The following PHF24 variants were observed in gnomAD, a reference collection of about 807,000 sequenced individuals.
PHF24 encodes the protein Galpha inhibitory interacting protein.
In PHF24, 25 loss-of-function variants were observed where a neutral mutation model predicts 42.6. The ratio of observed to expected loss-of-function variants is 0.59; its 90% CI spans 0.43 to 0.82. The LOEUF (loss-of-function observed/expected upper bound fraction) is 0.82. PHF24 is among the 40% of genes least tolerant of loss of function. The probability of loss-of-function intolerance (pLI) is 0.00; values close to 1 mark genes in which losing one functional copy is unlikely to be tolerated. For missense variants in PHF24, 470 were observed against 538.1 expected (o/e 0.87, Z 1.25); for synonymous variants, 185 against 204.8 (o/e 0.90, Z 0.83).
At chr9:34,692,170 TAG>T in the PHF24 span, among the ~76,000 whole-genome samples, 5 of 152,240 alleles carry the variant, frequency 3.3e-5, 1 homozygote, top group South Asian at 1.0e-3. Flanking sequence ...ACCCAAACCC[TAG>T]ACCCTCTTTT....
the PHF24 span, among the ~76,000 whole-genome samples, chr9:34,818,824 T>C: frequency 3.3e-5 from 5 of 152,222 alleles, no homozygotes; most frequent in East Asian, 7.7e-4. Context: ...TCAGAATGAG[T>C]TGGCAAGTAC....
chr9:34,954,628 T>C (rs999456206), upstream of PHF24, among the ~76,000 whole-genome samples: 1 of 152,214 alleles, frequency 6.6e-6, no homozygotes, highest in African/African-American at 2.4e-5. Context: ...CAGGTTTTTG[T>C]CTAAGGCCTA....
chr9:34,728,398 A>G, the PHF24 span, among the ~76,000 whole-genome samples: 3 of 152,208 alleles, frequency 2.0e-5, no homozygotes, highest in Non-Finnish European at 4.4e-5. Flanking sequence ...CATCTGCTCT[A>G]CTTTCTTAAT....
At chr9:34,886,787 G>GTCTGTCTAC in the PHF24 span, among the ~76,000 whole-genome samples, 186 of 121,392 alleles carry the variant, frequency 1.5e-3, no homozygotes, top group African/African-American at 5.4e-3. Context: ...TGTCTACTCT[G>GTCTGTCTAC]TCTATCTACT....
the PHF24 span, among the ~76,000 whole-genome samples, chr9:34,895,324 T>G: frequency 6.6e-6 from 1 of 152,030 alleles, no homozygotes; most frequent in Admixed American, 6.6e-5. Context: ...ATAAGTTCGG[T>G]GGGGACTTTA....
the PHF24 span, chr9:34,690,080 T>C: frequency 6.3e-7 from 1 of 1,593,244 alleles, no homozygotes; most frequent in South Asian, 1.1e-5. Context: ...CTGGGGACCA[T>C]GTCTGGGAAC....
At chr9:34,955,827 G>A (rs1826359316), upstream of PHF24, among the ~76,000 whole-genome samples, 1 of 152,032 alleles carries the variant, frequency 6.6e-6, no homozygotes, top group Non-Finnish European at 1.5e-5. Context: ...ATAATTCTGT[G>A]TCCTCCACTT....
the PHF24 span, among the ~76,000 whole-genome samples, chr9:34,754,755 C>T: frequency 3.3e-5 from 5 of 152,180 alleles, no homozygotes; most frequent in African/African-American, 1.2e-4. Flanking sequence ...CCTGTACTCC[C>T]GTTTATTGCA....
the PHF24 span, chr9:34,680,977 G>T: frequency 1.7e-4 from 26 of 152,328 alleles, no homozygotes; most frequent in African/African-American, 6.3e-4. Flanking sequence ...TTACCATCAA[G>T]ACGTTAGGTA....
chr9:34,958,065 C>G (rs1313837579), upstream of PHF24, among the ~76,000 whole-genome samples: 2 of 149,944 alleles, frequency 1.3e-5, no homozygotes, highest in Non-Finnish European at 3.0e-5. This position sits in a 1 kb window ranked among gnomAD's most constrained non-coding sequence, Gnocchi z 4.5. Flanking sequence ...CGCCCGCGCG[C>G]CCGTCGCCGG....
chr9:34,736,441 G>A, the PHF24 span, among the ~76,000 whole-genome samples: 1 of 152,048 alleles, frequency 6.6e-6, no homozygotes, highest in Non-Finnish European at 1.5e-5. Context: ...TGAGTAGCTG[G>A]GACTATAGGC....
chr9:34,800,895 G>A, the PHF24 span, among the ~76,000 whole-genome samples: 1 of 152,124 alleles, frequency 6.6e-6, no homozygotes, highest in South Asian at 2.1e-4. Flanking sequence ...TACAGAATGG[G>A]AGAAAATGTT....
At chr9:34,972,610 A>G in intron 3 of PHF24, 79 bp downstream of exon 3, 2 of 1,383,688 alleles carry the variant, frequency 1.4e-6, no homozygotes, top group Middle Eastern at 2.6e-4. Context: ...GATTTTAGGC[A>G]GTGACCTAAA....
chr9:34,936,140 C>T, the PHF24 span, among the ~76,000 whole-genome samples: 4 of 151,970 alleles, frequency 2.6e-5, no homozygotes, highest in South Asian at 4.2e-4. Flanking sequence ...ACTGTACTGC[C>T]GCCATCTCGG....
At chr9:34,901,623 G>A in the PHF24 span, among the ~76,000 whole-genome samples, 1 of 152,078 alleles carries the variant, frequency 6.6e-6, no homozygotes, top group Non-Finnish European at 1.5e-5. Flanking sequence ...AGGGGGTCGG[G>A]CGTGGTGACT....
the PHF24 span, chr9:34,725,441 A>C: frequency 1.7e-6 from 2 of 1,150,032 alleles, no homozygotes; most frequent in Admixed American, 2.8e-5. Flanking sequence ...ATGGCGAATC[A>C]ACTGTTTCTG....
chr9:34,889,901 A>G, the PHF24 span, among the ~76,000 whole-genome samples: 2,833 of 152,282 alleles, frequency 0.019, 104 homozygotes, highest in African/African-American at 0.065. Context: ...ATTCTCAGAA[A>G]TCCTTGTTTG....
the PHF24 span, among the ~76,000 whole-genome samples, chr9:34,925,592 C>T: frequency 6.6e-6 from 1 of 151,920 alleles, no homozygotes; most frequent in Admixed American, 6.6e-5. Context: ...TTTTTAATTT[C>T]ATTCATTGAC....
the PHF24 span, among the ~76,000 whole-genome samples, chr9:34,670,370 T>C: frequency 6.6e-6 from 1 of 152,170 alleles, no homozygotes; most frequent in African/African-American, 2.4e-5. Context: ...GACAGTCTTG[T>C]TGGGGACCTT....
Sources: allele counts gnomAD v4.1 joint callset (sites outside exome capture counted in the v4.1 genomes callset), GRCh38; gene constraint gnomAD v4.1.1; non-coding constraint Gnocchi (gnomAD v3.1); transcripts MANE v1.5; gene names NCBI Gene and HGNC (gene_info 2026-07-23, HGNC 2026-07-21).